The following ANO4 variants were observed in gnomAD, a reference collection of about 807,000 sequenced individuals.
The protein encoded by ANO4 is anoctamin-4.
A neutral mutation model predicts 141.9 loss-of-function variants in ANO4; 69 were observed. That is an observed-to-expected ratio of 0.49 (90% confidence interval 0.40 to 0.59). The LOEUF is 0.59. Among genes scored for constraint, ANO4 ranks in the 20% least tolerant of loss-of-function variants. The probability of loss-of-function intolerance (pLI) is 0.00; values close to 1 mark genes in which losing one functional copy is unlikely to be tolerated. For missense variants in ANO4, 894 were observed against 1,162.2 expected (o/e 0.77, Z 3.36); for synonymous variants, 350 against 394.3 (o/e 0.89, Z 1.33).
intron 22 of ANO4, among the ~76,000 whole-genome samples, chr12:101,109,940 C>T (rs1025142376): frequency 1.3e-5 from 2 of 152,106 alleles, no homozygotes; most frequent in African/African-American, 4.8e-5. Flanking sequence ...TAATCCCATG[C>T]TTTCATTATT....
intron 7 of ANO4, among the ~76,000 whole-genome samples, chr12:100,977,512 C>G (rs1339518247): frequency 6.6e-6 from 1 of 151,984 alleles, no homozygotes; most frequent in Non-Finnish European, 1.5e-5. Flanking sequence ...ATAGTGAGGC[C>G]CCATCTCTAA....
intron 8 of ANO4, among the ~76,000 whole-genome samples, chr12:101,009,111 T>A (rs1248059581): frequency 1.3e-5 from 2 of 152,148 alleles, no homozygotes; most frequent in African/African-American, 4.8e-5. Context: ...ACCCCCAATA[T>A]CTCAGAATGT....
chr12:100,959,334 GCAT>G (rs2043306284), intron 5 of ANO4, among the ~76,000 whole-genome samples: 1 of 151,878 alleles, frequency 6.6e-6, no homozygotes, highest in Non-Finnish European at 1.5e-5. Context: ...TATCTCTCCT[GCAT>G]CATCATTTTT....
chr12:100,808,031 T>G (rs562478383), intron 1 of ANO4, among the ~76,000 whole-genome samples: 1 of 152,322 alleles, frequency 6.6e-6, no homozygotes, highest in South Asian at 2.1e-4. Context: ...AACATTCACA[T>G]GCATGTATCT....
chr12:101,090,914 A>G (rs949057534), intron 17 of ANO4, among the ~76,000 whole-genome samples: 7 of 152,180 alleles, frequency 4.6e-5, no homozygotes, highest in Non-Finnish European at 7.4e-5. Context: ...AAGAGGAAGT[A>G]AACAAATTCA....
intron 9 of ANO4, among the ~76,000 whole-genome samples, chr12:101,027,106 G>T (rs1427917100): frequency 6.6e-6 from 1 of 152,100 alleles, no homozygotes; most frequent in Non-Finnish European, 1.5e-5. Flanking sequence ...GTGTGGTGCG[G>T]CAGCCCGTCT....
chr12:101,039,863 C>G, intron 10 of ANO4, 92 bp from the exon 11 acceptor site: 1 of 1,418,814 alleles, frequency 7.0e-7, no homozygotes, highest in South Asian at 1.4e-5. Flanking sequence ...ACTCCTATCA[C>G]AACACCTGCT....
intron 7 of ANO4, among the ~76,000 whole-genome samples, chr12:100,984,994 A>G (rs1566089799): frequency 1.3e-5 from 2 of 152,122 alleles, no homozygotes; most frequent in Admixed American, 6.5e-5. Flanking sequence ...GTCATCGCAC[A>G]CAGAGCCCAG....
intron 1 of ANO4, among the ~76,000 whole-genome samples, chr12:100,818,032 C>A (rs1565902517): frequency 6.6e-6 from 1 of 151,474 alleles, no homozygotes; most frequent in African/African-American, 2.4e-5. Context: ...CATGATTTCC[C>A]TTATTATTAT....
At chr12:100,967,472 T>A (rs2043722422) in intron 5 of ANO4, among the ~76,000 whole-genome samples, 1 of 151,986 alleles carries the variant, frequency 6.6e-6, no homozygotes, top group South Asian at 2.1e-4. Flanking sequence ...AGGCATTCAG[T>A]AACAAGCAGT....
chr12:100,823,492 G>C (rs1180951661), intron 1 of ANO4, among the ~76,000 whole-genome samples: 1 of 151,776 alleles, frequency 6.6e-6, no homozygotes, highest in African/African-American at 2.4e-5. Context: ...TTGCATACAA[G>C]CGAGTTGGGA....
chr12:100,752,007 TA>T (rs1278494736), intron 3 of ANO4, among the ~76,000 whole-genome samples: 3 of 152,196 alleles, frequency 2.0e-5, no homozygotes, highest in African/African-American at 7.2e-5. Context: ...ACCTTCACAC[TA>T]AAGACTTAAC....
At chr12:101,029,905 T>A (rs2046902843) in intron 9 of ANO4, among the ~76,000 whole-genome samples, 1 of 6,760 alleles carries the variant, frequency 1.5e-4, no homozygotes, top group South Asian at 2.4e-3. Flanking sequence ...CAAGTCTCCG[T>A]CTAAAAAAAA....
At chr12:100,955,267 A>G (rs969416037) in intron 5 of ANO4, among the ~76,000 whole-genome samples, 3 of 152,256 alleles carry the variant, frequency 2.0e-5, no homozygotes, top group Non-Finnish European at 4.4e-5. Flanking sequence ...CGTCTGCTCC[A>G]TAGGACATCA....
intron 1 of ANO4, among the ~76,000 whole-genome samples, chr12:100,828,831 A>C (rs1294931378): frequency 1.3e-5 from 2 of 152,082 alleles, no homozygotes; most frequent in Non-Finnish European, 2.9e-5. Context: ...CAGCCTGGCC[A>C]ACATGGTAAA....
intron 3 of ANO4, among the ~76,000 whole-genome samples, chr12:100,768,705 A>C (rs1333240574): frequency 6.6e-6 from 1 of 152,228 alleles, no homozygotes; most frequent in Non-Finnish European, 1.5e-5. Flanking sequence ...CGTAAATGCC[A>C]TACTTTTATG....
At chr12:101,068,996 T>C in intron 14 of ANO4, 1 of 788,894 alleles carries the variant, frequency 1.3e-6, no homozygotes, top group Admixed American at 1.7e-5. Context: ...AACAAAGCTC[T>C]GGATAAGGCC....
chr12:100,881,174 A>G (rs1259082051), intron 1 of ANO4, among the ~76,000 whole-genome samples: 1 of 151,922 alleles, frequency 6.6e-6, no homozygotes, highest in East Asian at 1.9e-4. Flanking sequence ...TAGGAGATAT[A>G]CCTAATGCTA....
intron 3 of ANO4, among the ~76,000 whole-genome samples, chr12:100,755,432 T>C (rs1025887310): frequency 2.0e-5 from 3 of 152,220 alleles, no homozygotes; most frequent in Non-Finnish European, 4.4e-5. Flanking sequence ...TGTGTATCTC[T>C]GCCTTGCCAG....
Sources: gnomAD v4.1 joint callset for allele counts (sites outside exome capture counted in the v4.1 genomes callset) on GRCh38, gnomAD v4.1.1 for gene constraint, MANE v1.5 for transcripts, NCBI Gene and HGNC (gene_info 2026-07-23, HGNC 2026-07-21) for gene names.